The following UTS2B variants were observed in gnomAD, a reference collection of about 807,000 sequenced individuals.
UTS2B encodes the protein urotensin-2B.
UTS2B carries 21 observed loss-of-function variants against 19.2 expected under a neutral mutation model. That is an observed-to-expected ratio of 1.09 (90% CI 0.78 to 1.58). The LOEUF (loss-of-function observed/expected upper bound fraction) is 1.58. Ranked by LOEUF, UTS2B falls within the 40% of genes most tolerant of loss-of-function variation. The probability of loss-of-function intolerance (pLI) is 0.00; values close to 1 mark genes in which losing one functional copy is unlikely to be tolerated. For missense variants in UTS2B, 138 were observed against 130.3 expected (o/e 1.06, Z -0.29); for synonymous variants, 57 against 50.2 (o/e 1.14, Z -0.58).
intron 1 of UTS2B, chr3:191,329,866 A>G: frequency 1.6e-6 from 1 of 612,958 alleles, no homozygotes; most frequent in Non-Finnish European, 2.5e-6. Context: ...CGTGAAAGGA[A>G]TTGAATTCAG....
At chr3:191,314,019 C>T (rs1187140009) in intron 3 of UTS2B, among the ~76,000 whole-genome samples, 1 of 152,188 alleles carries the variant, frequency 6.6e-6, no homozygotes, top group African/African-American at 2.4e-5. Flanking sequence ...GCATGAGCCA[C>T]CGCACCAGGC....
intron 4 of UTS2B, among the ~76,000 whole-genome samples, chr3:191,295,699 G>A (rs80298847): frequency 0.031 from 4,715 of 151,890 alleles, 166 homozygotes; most frequent in East Asian, 0.14. Context: ...TTACCCTAAT[G>A]TATCATTTAT....
upstream of UTS2B, among the ~76,000 whole-genome samples, chr3:191,331,032 C>T (rs940965322): frequency 1.3e-5 from 2 of 152,196 alleles, no homozygotes; most frequent in African/African-American, 4.8e-5. Context: ...ACTCTGCTGT[C>T]AAGACTAAGG....
At chr3:191,315,912 A>T (rs927180450) in intron 3 of UTS2B, 124 bp downstream of exon 3, 1 of 152,248 alleles carries the variant, frequency 6.6e-6, no homozygotes, top group Non-Finnish European at 1.5e-5. Context: ...TAATTGAAAC[A>T]TATTCTTTTG....
chr3:191,317,110 G>T (rs1717481026), intron 2 of UTS2B, among the ~76,000 whole-genome samples: 1 of 152,242 alleles, frequency 6.6e-6, no homozygotes, highest in Non-Finnish European at 1.5e-5. Context: ...CCATGGGGGT[G>T]GGGGCTCGGG....
At chr3:191,271,432 T>C (rs1174178197) in intron 8 of UTS2B, among the ~76,000 whole-genome samples, 1 of 152,176 alleles carries the variant, frequency 6.6e-6, no homozygotes, top group African/African-American at 2.4e-5. Flanking sequence ...ATTAAAGCCT[T>C]CTTCCTTGGC....
chr3:191,276,519 G>A (rs763365057), intron 7 of UTS2B, among the ~76,000 whole-genome samples: 4 of 152,168 alleles, frequency 2.6e-5, no homozygotes, highest in Non-Finnish European at 4.4e-5. Flanking sequence ...TTTCAGTCTA[G>A]AGAATTTGTT....
chr3:191,270,264 A>C (rs907790539), intron 8 of UTS2B, among the ~76,000 whole-genome samples: 2 of 152,188 alleles, frequency 1.3e-5, no homozygotes, highest in African/African-American at 4.8e-5. Flanking sequence ...TGGCACAACC[A>C]TAGCTCACTG....
At position 191,272,187 on chromosome 3, in the gene UTS2B, AT is replaced by A. The variant is rs1388807325; in HGVS notation, c.334+3064del. On this transcript the variant is annotated intron_variant, in intron 8 of 8. Coordinates refer to ENST00000340524, the MANE Select transcript of UTS2B (RefSeq NM_198152.5). ...GTTGCATCACTGAGATTTAAAGGCT[AT>A]TTTATCAGCTTGCTAAGCATATCCC... is the stretch of plus-strand genomic sequence containing the variant. 5.9e-5 allele frequency among the ~76,000 whole-genome samples: 9 copies of A among 152,342 alleles called. No homozygotes were observed. The East Asian group carries it at 1.7e-3, about 29-fold the overall frequency.
intron 3 of UTS2B, among the ~76,000 whole-genome samples, 156 bp downstream of exon 3, chr3:191,315,880 G>A (rs1717433737): frequency 6.6e-6 from 1 of 152,224 alleles, no homozygotes; most frequent in South Asian, 2.1e-4. Context: ...TAAACATGCT[G>A]CCATATTTGT....
At chr3:191,329,874 C>A in intron 1 of UTS2B, 1 of 623,934 alleles carries the variant, frequency 1.6e-6, no homozygotes, top group Non-Finnish European at 2.5e-6. Context: ...GAATTGAATT[C>A]AGGTTCTAGT....
the UTS2B span, among the ~76,000 whole-genome samples, chr3:191,335,686 AAAAC>A: frequency 5.3e-5 from 8 of 152,234 alleles, no homozygotes. Context: ...AAAAGGAAAA[AAAAC>A]AAAGCAGTAA....
intron 3 of UTS2B, among the ~76,000 whole-genome samples, chr3:191,309,784 T>C (rs143321825): frequency 1.2e-4 from 18 of 152,270 alleles, no homozygotes; most frequent in African/African-American, 3.9e-4. Flanking sequence ...TCTAGCTGTA[T>C]GAAATGCCTC....
At chr3:191,327,196 G>T (rs185752915) in intron 2 of UTS2B, among the ~76,000 whole-genome samples, 17 of 152,310 alleles carry the variant, frequency 1.1e-4, no homozygotes, top group Admixed American at 7.8e-4. Flanking sequence ...TATTAACTGG[G>T]TTAAGAGAAC....
At chr3:191,283,776 C>CT (rs78830695) in intron 4 of UTS2B, among the ~76,000 whole-genome samples, 69,779 of 151,964 alleles carry the variant, frequency 0.46, 18,074 homozygotes, top group Non-Finnish European at 0.59. Context: ...TTGTGTCTTA[C>CT]TTTCTTAAGA....
chr3:191,271,621 A>G (rs1284151549), intron 8 of UTS2B, among the ~76,000 whole-genome samples: 2 of 152,016 alleles, frequency 1.3e-5, no homozygotes, highest in Non-Finnish European at 2.9e-5. Flanking sequence ...ACTCCTACTC[A>G]GCCTCTTTTG....
intron 8 of UTS2B, among the ~76,000 whole-genome samples, chr3:191,269,550 C>T (rs1471536488): frequency 6.6e-6 from 1 of 151,596 alleles, no homozygotes; most frequent in Non-Finnish European, 1.5e-5. Context: ...CTATATTCCC[C>T]AGCCTGGACC....
intron 2 of UTS2B, among the ~76,000 whole-genome samples, chr3:191,325,404 AG>A (rs1453633992): frequency 6.6e-6 from 1 of 152,246 alleles, no homozygotes; most frequent in East Asian, 1.9e-4. Context: ...TCTAATTTAG[AG>A]GGCTCTTGGA....
At chr3:191,338,449 C>G in the UTS2B span, among the ~76,000 whole-genome samples, 2 of 152,180 alleles carry the variant, frequency 1.3e-5, no homozygotes, top group African/African-American at 4.8e-5. Context: ...TGGAGTTTGC[C>G]TTAATATCTG....
Sources: gnomAD v4.1 joint callset for allele counts (sites outside exome capture counted in the v4.1 genomes callset) on GRCh38, gnomAD v4.1.1 for gene constraint, MANE v1.5 for transcripts, NCBI Gene and HGNC (gene_info 2026-07-23, HGNC 2026-07-21) for gene names.